Variants in TRMU observed in about 807,000 individuals in gnomAD.
TRMU encodes mitochondrial tRNA-specific 2-thiouridylase 1.
A neutral mutation model predicts 46.9 loss-of-function variants in TRMU; 49 were observed. That is an observed-to-expected ratio of 1.05 (90% CI 0.83 to 1.33). The LOEUF (loss-of-function observed/expected upper bound fraction) is 1.33. Ranked by LOEUF, TRMU falls within the 40% of genes most tolerant of loss-of-function variation. TRMU has a pLI of 0.00. For missense variants in TRMU, 572 were observed against 532.4 expected (o/e 1.07, Z -0.73); for synonymous variants, 241 against 200.9 (o/e 1.20, Z -1.69).
rs907007015 is a variant in TRMU, at chr22:46,345,681, A to G, written c.356-741A>G. Among the ~76,000 whole-genome samples the G allele has an allele frequency of 2.0e-5, 3 of 152,134 alleles. No individual in the cohort carries two copies. The South Asian group carries it at 6.2e-4, about 32-fold the overall frequency. Reference sequence around the variant, plus strand: ...TGCCGGGCATTTTCCCGTGTTAGTAAACATTCTCTGTAAGGACCCCCATTG... The same window carrying G: ...TGCCGGGCATTTTCCCGTGTTAGTAGACATTCTCTGTAAGGACCCCCATTG... On this transcript the variant is annotated intron_variant, in intron 3 of 10. Transcript: ENST00000645190.
rs1455849036 is a variant in TRMU at position 46,347,150 on chromosome 22, T to C, written c.478+606T>C. 6.6e-6 allele frequency among the ~76,000 whole-genome samples: 1 copy of C among 152,182 alleles called. No individual in the cohort carries two copies. Among genetic ancestry groups the C allele is most frequent in the African/African-American group, 2.4e-5 (1 of 41,428 alleles). On this transcript the variant is annotated intron_variant, in intron 4 of 10. Transcript: ENST00000645190. This position sits in a 1 kb window ranked among gnomAD's most constrained non-coding sequence, Gnocchi z 5.0. The stretch of plus-strand genomic sequence containing the variant: ...TAGAAAAGAGGAATTCCCTGTATTG[T>C]TGAGTGAAAAACCAAGTGGGGCTCA...
Position 46,343,391 on chromosome 22 carries a change from A to G in TRMU, c.355+23A>G, listed in dbSNP as rs543069689. 4.8e-6 allele frequency: 5 copies of G among 1,050,182 alleles called. No individual in the cohort carries two copies. The African/African-American group carries it at 8.3e-5, about 18-fold the overall frequency. 65.1% of individuals were successfully genotyped at this position (1,050,182 alleles called of 1,614,324 possible). On this transcript the variant is annotated intron_variant, in intron 3 of 10. Transcript: ENST00000645190. ...TTGGTAAGTAATTTGGGTTTAAAAC[A>G]TTTTTTTTTTTAAAGACAGGGTCTC...
Position 46,352,296 on chromosome 22 carries a change from C to T in TRMU, c.738C>T (p.Ser246=), listed in dbSNP as rs748506614. 2.5e-6 allele frequency: 4 copies of T among 1,614,072 alleles called. No individual in the cohort carries two copies. Among genetic ancestry groups the T allele is most frequent in the Middle Eastern group, 1.6e-4 (1 of 6,062 alleles). Residue 246 remains serine, a synonymous_variant, in exon 7 of 11, where the codon TCC becomes TCT. Transcript: ENST00000645190. ...AGCCTCGACCTGGTCACTTTATTTC[C>T]ATAGAAGACAATAAGGTTCTGGGAA... ...YLQPRPGHFI[S]IEDNKVLGTH... is the part of the protein sequence containing the mutation.
intron 7 of TRMU, chr22:46,352,743 C>G (rs1009327128): frequency 2.9e-6 from 1 of 342,396 alleles, no homozygotes; most frequent in Non-Finnish European, 5.7e-6. Context: ...GCGATGGGAT[C>G]AGGCGTCCGC....
At chr22:46,346,901 A>C (rs746581321) in intron 4 of TRMU, among the ~76,000 whole-genome samples, 1 of 152,286 alleles carries the variant, frequency 6.6e-6, no homozygotes. Flanking sequence ...AAGGACCTGT[A>C]CTTAGCAACA....
Position 46,351,165 on chromosome 22 carries a change from GA to G in TRMU, c.651+705del. On this transcript the variant is annotated intron_variant, in intron 5 of 10. Transcript: ENST00000645190. The surrounding 1 kb of genome is among the most constrained non-coding windows in gnomAD (Gnocchi z 6.4). Reference sequence around the variant, plus strand: ...GATCCGGTGTCCCAGAGAGGGCTGGGAAAGTCCAGATGAGGGAACGGCAGTG... The same window carrying G: ...GATCCGGTGTCCCAGAGAGGGCTGGGAAGTCCAGATGAGGGAACGGCAGTG... Among the ~76,000 whole-genome samples the G allele has an allele frequency of 6.6e-6, 1 of 152,334 alleles. No homozygotes were observed. The highest frequency in any genetic ancestry group is 2.1e-4 in the South Asian group (1 of 4,826).
intron 9 of TRMU, 164 bp from the exon 10 acceptor site, chr22:46,355,826 G>A (rs1205318923): frequency 3.0e-6 from 3 of 996,684 alleles, no homozygotes; most frequent in Non-Finnish European, 4.5e-6. Context: ...TGTGTACACT[G>A]CCCCGCAGTG....
chr22:46,345,721 T>C (rs1019865516), intron 3 of TRMU, among the ~76,000 whole-genome samples: 2 of 152,072 alleles, frequency 1.3e-5, no homozygotes, highest in African/African-American at 4.8e-5. Context: ...GGCAGTGCAT[T>C]GTCATTCACT....
intron 7 of TRMU, 110 bp from the exon 8 acceptor site, chr22:46,353,657 A>C (rs749994082): frequency 1.4e-5 from 14 of 974,212 alleles, no homozygotes; most frequent in Non-Finnish European, 2.3e-5. Context: ...GAGTTACACC[A>C]TTGCTGGGCC....
chr22:46,353,306 G>C (rs966990176), intron 7 of TRMU: 1 of 216,454 alleles, frequency 4.6e-6, no homozygotes, highest in Non-Finnish European at 9.5e-6. Flanking sequence ...GCAGGGGAGG[G>C]AGGCAGTGAG....
At position 46,350,435 on chromosome 22, in the gene TRMU, G is replaced by T. The variant is rs1248154959; in HGVS notation, c.623G>T (p.Arg208Ile). Reference sequence around the variant, plus strand: ...GTAAAGAAAATCGCTGCTGAGAATAGACTTCATCATGTGCTTCAGAAGAAA... The same window carrying T: ...GTAAAGAAAATCGCTGCTGAGAATATACTTCATCATGTGCTTCAGAAGAAA... ...EFVKKIAAENRLHHVLQKKES... is the reference protein window; with the variant it reads ...EFVKKIAAENILHHVLQKKES... The change falls in exon 5 of 11, where the codon AGA becomes ATA. Residue 208 changes from arginine (R) to isoleucine (I), a missense_variant. Physicochemically the swap from Arg to Ile is moderately conservative, Grantham distance 97 (BLOSUM62 -3). Coordinates refer to ENST00000645190, the MANE Select transcript of TRMU (RefSeq NM_018006.5). The surrounding 1 kb of genome is among the most constrained non-coding windows in gnomAD (Gnocchi z 4.6). The T allele has an allele frequency of 6.2e-7, 1 of 1,613,916 alleles. No homozygotes were observed. The highest frequency in any genetic ancestry group is 2.2e-5 in the East Asian group (1 of 44,884).
At position 46,356,032 on chromosome 22, in the gene TRMU, T is replaced by A; in HGVS notation, c.1061T>A (p.Val354Glu). The A allele has an allele frequency of 6.2e-7, 1 of 1,613,974 alleles. No individual in the cohort carries two copies. Among genetic ancestry groups the A allele is most frequent in the Non-Finnish European group, 8.5e-7 (1 of 1,179,978 alleles). The stretch of plus-strand genomic sequence containing the variant: ...CTCAATCAAGATGGCACCGTGTGGG[T>A]GACAGCTGTGCAGGCTGTGCGTGCC... ...LTLNQDGTVW[V>E]TAVQAVRALA... Residue 354 changes from valine to glutamate, a missense_variant, in exon 10 of 11, where the codon GTG becomes GAG. Coordinates refer to ENST00000645190, the MANE Select transcript of TRMU (RefSeq NM_018006.5).
At chr22:46,356,372 T>G (rs571961106) in intron 10 of TRMU, 78 of 476,838 alleles carry the variant, frequency 1.6e-4, no homozygotes, top group Non-Finnish European at 2.9e-4. Flanking sequence ...AGGACAGTGC[T>G]CAAAGAGGCA....
intron 7 of TRMU, chr22:46,353,564 G>A: frequency 1.9e-6 from 1 of 528,078 alleles, no homozygotes; most frequent in Non-Finnish European, 3.6e-6. Context: ...CCCATGTCCA[G>A]CCCAGGCCTG....
At chr22:46,343,390 CATT>C (rs749684421) in intron 3 of TRMU, 22 bp downstream of exon 3, 1 of 1,570,170 alleles carries the variant, frequency 6.4e-7, no homozygotes, top group East Asian at 2.2e-5. Context: ...GGGTTTAAAA[CATT>C]TTTTTTTTTA....
At chr22:46,356,511 C>T (rs2078613345) in intron 10 of TRMU, 1 of 441,736 alleles carries the variant, frequency 2.3e-6, no homozygotes, top group Admixed American at 3.5e-5. Context: ...CGGAAGCATC[C>T]TCTGGCTGCC....
chr22:46,356,746 G>A (rs1179749930), intron 10 of TRMU, 96 bp from the exon 11 acceptor site: 6 of 1,467,912 alleles, frequency 4.1e-6, no homozygotes, highest in Non-Finnish European at 4.7e-6. Flanking sequence ...CTGGTGCTCC[G>A]AGCACAGGCC....
rs75169855 is a variant in TRMU at position 46,352,929 on chromosome 22, C to T, written c.772+599C>T. ...AGTACAGTGGCGGGGATGTGCCTGC[C>T]GGCGTGATGATCAGGCAGGTCTTGA... On this transcript the variant is annotated intron_variant, in intron 7 of 10. Coordinates refer to ENST00000645190, the MANE Select transcript of TRMU (RefSeq NM_018006.5). The T allele has an allele frequency of 6.6e-3, 1,251 of 189,338 alleles. 20 individuals are homozygous for T. The highest frequency in any genetic ancestry group is 0.027 in the African/African-American group (1,187 of 43,294). The allele number at this position is 189,338 out of a possible 1,614,324, so 11.7% of individuals were successfully genotyped here.
intron 2 of TRMU, among the ~76,000 whole-genome samples, chr22:46,340,233 A>G (rs932883364): frequency 1.3e-5 from 2 of 152,160 alleles, no homozygotes; most frequent in African/African-American, 4.8e-5. Context: ...TCTTTGAGAA[A>G]AGGTGTGATG....
Sources: allele counts gnomAD v4.1 joint callset (sites outside exome capture counted in the v4.1 genomes callset), GRCh38; gene constraint gnomAD v4.1.1; non-coding constraint Gnocchi (gnomAD v3.1); transcripts MANE v1.5; gene names NCBI Gene and HGNC (gene_info 2026-07-23, HGNC 2026-07-21).